Variants in DLGAP2 observed in about 807,000 individuals in gnomAD.
DLGAP2 encodes the protein DLG associated protein 2.
In DLGAP2, 26 loss-of-function variants were observed where a neutral mutation model predicts 100.3. The observed-to-expected ratio is 0.26, with a 90% confidence interval of 0.19 to 0.36. The LOEUF is 0.36. DLGAP2 is among the 10% of genes least tolerant of loss of function. The pLI is 1.00. For missense variants in DLGAP2, 1,858 were observed against 1,453.2 expected, an observed-to-expected ratio of 1.28 and a Z score of -4.53; for synonymous variants, 886 against 630.1, an observed-to-expected ratio of 1.41 and a Z score of -6.08.
chr8:1,138,792 G>C (rs758864808), intron 2 of DLGAP2, among the ~76,000 whole-genome samples: 2 of 152,008 alleles, frequency 1.3e-5, no homozygotes, highest in Non-Finnish European at 2.9e-5. Flanking sequence ...GTCCTGACCT[G>C]TGCAGCTGGT....
chr8:775,648 A>G (rs919038022), intron 1 of DLGAP2, among the ~76,000 whole-genome samples: 1 of 74,420 alleles, frequency 1.3e-5, no homozygotes, highest in African/African-American at 5.1e-5. Flanking sequence ...ATGCTGGATT[A>G]CATTTATTGA....
At chr8:1,194,219 G>T (rs1030998821) in intron 2 of DLGAP2, among the ~76,000 whole-genome samples, 1 of 152,086 alleles carries the variant, frequency 6.6e-6, no homozygotes, top group Non-Finnish European at 1.5e-5. Context: ...TTCTCAGCCC[G>T]ACTCAGGAGG....
At chr8:1,666,987 C>T (rs1249933876) in intron 8 of DLGAP2, among the ~76,000 whole-genome samples, 1 of 152,174 alleles carries the variant, frequency 6.6e-6, no homozygotes, top group Non-Finnish European at 1.5e-5. Context: ...TCACAGACGG[C>T]GCTCAGACCC....
At chr8:855,564 G>C (rs1258642975) in intron 1 of DLGAP2, among the ~76,000 whole-genome samples, 1 of 152,132 alleles carries the variant, frequency 6.6e-6, no homozygotes, top group African/African-American at 2.4e-5. Context: ...AGTGAGAGGG[G>C]GATAGGTCTG....
intron 1 of DLGAP2, among the ~76,000 whole-genome samples, chr8:860,959 T>C (rs1032626415): frequency 2.0e-5 from 3 of 152,146 alleles, no homozygotes; most frequent in African/African-American, 4.8e-5. Flanking sequence ...GTGAGAGCCG[T>C]GCCTGTCCCC....
Position 1,615,252 on chromosome 8 carries a change from C to G in DLGAP2, c.1443-11488C>G, listed in dbSNP as rs575408881. Among the ~76,000 whole-genome samples the G allele has an allele frequency of 9.8e-5, 15 of 152,288 alleles. No homozygotes were observed. The South Asian group carries it at 2.1e-3, about 21-fold the overall frequency. ...CACCAAGTGCACAGGCCAGGTAAAC[C>G]ATCTGCAGCCTCCCCAGGCCCACCC... is the stretch of plus-strand genomic sequence containing the variant. On this transcript the variant is annotated intron_variant, in intron 6 of 14. Coordinates refer to ENST00000637795, the MANE Select transcript of DLGAP2 (RefSeq NM_001346810.2).
At chr8:1,551,426 C>A (rs1260109886) in intron 5 of DLGAP2, among the ~76,000 whole-genome samples, 1 of 152,190 alleles carries the variant, frequency 6.6e-6, no homozygotes, top group Non-Finnish European at 1.5e-5. Flanking sequence ...CCAGGGTCAC[C>A]TGCCTCCAAT....
intron 2 of DLGAP2, among the ~76,000 whole-genome samples, chr8:1,117,575 G>C: frequency 2.0e-5 from 3 of 152,330 alleles, no homozygotes; most frequent in African/African-American, 7.2e-5. Flanking sequence ...ACAGGCTCAT[G>C]GTGGGAAGAT....
chr8:1,645,476 T>C (rs1033285082), intron 8 of DLGAP2, among the ~76,000 whole-genome samples: 4 of 152,236 alleles, frequency 2.6e-5, no homozygotes, highest in Non-Finnish European at 4.4e-5. Context: ...CCACTTACGA[T>C]GTTTTTAGTG....
intron 4 of DLGAP2, among the ~76,000 whole-genome samples, chr8:1,512,073 C>T (rs1246245946): frequency 6.6e-6 from 1 of 152,214 alleles, no homozygotes; most frequent in African/African-American, 2.4e-5. Flanking sequence ...CCCTGTGACG[C>T]ATCAGCCCAG....
At chr8:795,684 C>A (rs62485635) in intron 1 of DLGAP2, among the ~76,000 whole-genome samples, 6 of 24,728 alleles carry the variant, frequency 2.4e-4, no homozygotes, top group African/African-American at 6.4e-4. Context: ...TGAGAACAGG[C>A]GTCCAGTGAG....
intron 12 of DLGAP2, among the ~76,000 whole-genome samples, chr8:1,690,337 C>CA (rs1369844896): frequency 6.6e-5 from 10 of 150,916 alleles, no homozygotes; most frequent in Admixed American, 2.6e-4. Context: ...GCCTAGGTGA[C>CA]AGAGCGAGAC....
At chr8:1,440,048 A>T (rs1797783116) in intron 3 of DLGAP2, among the ~76,000 whole-genome samples, 3 of 151,896 alleles carry the variant, frequency 2.0e-5, no homozygotes, top group Admixed American at 2.0e-4. Context: ...TGGTTTAAAG[A>T]CTCTTCTCAA....
chr8:1,572,444 A>AG (rs1802763032), intron 6 of DLGAP2, among the ~76,000 whole-genome samples: 1 of 82,142 alleles, frequency 1.2e-5, no homozygotes, highest in African/African-American at 5.0e-5. Flanking sequence ...GAGACGAGAG[A>AG]GGTGAACTGT....
At chr8:918,968 T>C (rs925891650) in intron 2 of DLGAP2, among the ~76,000 whole-genome samples, 1 of 152,096 alleles carries the variant, frequency 6.6e-6, no homozygotes, top group African/African-American at 2.4e-5. Flanking sequence ...TGAAACAGGG[T>C]CTCACTGTGT....
At chr8:1,089,500 GC>G (rs1484097642) in intron 2 of DLGAP2, among the ~76,000 whole-genome samples, 5 of 152,188 alleles carry the variant, frequency 3.3e-5, no homozygotes, top group Admixed American at 2.6e-4. Context: ...CTCTCCTGCT[GC>G]CCCAGGCCTT....
At chr8:1,676,940 C>A (rs781132998) in intron 11 of DLGAP2, among the ~76,000 whole-genome samples, 1 of 152,176 alleles carries the variant, frequency 6.6e-6, no homozygotes, top group Non-Finnish European at 1.5e-5. Context: ...GCAGGCCTTA[C>A]GCCTTGTCAT....
intron 3 of DLGAP2, among the ~76,000 whole-genome samples, chr8:1,500,689 T>C (rs1326427448): frequency 1.3e-5 from 2 of 152,266 alleles, no homozygotes; most frequent in Non-Finnish European, 2.9e-5. Flanking sequence ...AAGACAGTGC[T>C]CAGTGACCCC....
At chr8:1,681,583 C>G (rs2130860036) in intron 12 of DLGAP2, among the ~76,000 whole-genome samples, 1 of 149,012 alleles carries the variant, frequency 6.7e-6, no homozygotes, top group Admixed American at 6.7e-5. Context: ...GCCTGAGCCC[C>G]AGAGGTGGAG....
Sources: gnomAD v4.1 joint callset for allele counts (sites outside exome capture counted in the v4.1 genomes callset) on GRCh38, gnomAD v4.1.1 for gene constraint, MANE v1.5 for transcripts, NCBI Gene and HGNC (gene_info 2026-07-23, HGNC 2026-07-21) for gene names.